Variants in TRMT9B observed in about 807,000 individuals in gnomAD.
The protein encoded by TRMT9B is tRNA methyltransferase 9B (putative), also known as probable tRNA methyltransferase 9B.
TRMT9B carries 16 observed loss-of-function variants against 11.5 expected under a neutral mutation model. The ratio of observed to expected loss-of-function variants is 1.39; its 90% confidence interval spans 0.94 to 2.11. The LOEUF is 2.11. TRMT9B is among the 30% of genes most tolerant of loss of function. The pLI is 0.00. For synonymous variants in TRMT9B, 274 were observed against 192.4 expected (o/e 1.42, Z -3.51); for missense variants, 941 against 553.8 (o/e 1.70, Z -7.02).
intron 2 of TRMT9B, among the ~76,000 whole-genome samples, chr8:12,999,020 G>A (rs1198465370): frequency 2.0e-5 from 3 of 152,052 alleles, no homozygotes; most frequent in African/African-American, 7.2e-5. Context: ...TTGTTCAGGG[G>A]CTGGGCGCAG....
chr8:13,003,647 C>T (rs191668191), intron 2 of TRMT9B, among the ~76,000 whole-genome samples: 13 of 151,378 alleles, frequency 8.6e-5, no homozygotes, highest in African/African-American at 1.7e-4. Context: ...CTTATGTGCC[C>T]GCCTAAGCCA....
At chr8:12,968,922 G>A (rs779912003) in intron 1 of TRMT9B, among the ~76,000 whole-genome samples, 22 of 152,132 alleles carry the variant, frequency 1.4e-4, no homozygotes, top group Non-Finnish European at 2.5e-4. Context: ...ATATAAAACC[G>A]AAAAGTGGGC....
rs372995780 is a variant in TRMT9B at position 13,006,162 on chromosome 8, G to A, written c.-1-40G>A. 28 of 1,605,058 alleles carry A rather than the reference G, an allele frequency of 1.7e-5. 1 individual carries two copies. Among genetic ancestry groups the A allele is most frequent in the East Asian group, 1.3e-4 (6 of 44,780 alleles). On this transcript the variant is annotated intron_variant, in intron 2 of 4. Transcript: ENST00000524591. ...CTCCTTCAGCCATCTATGGTGCATAGGCTGACCTGCATGCCTTGGGTTGGT... is the reference window on the plus strand; with the variant it reads ...CTCCTTCAGCCATCTATGGTGCATAAGCTGACCTGCATGCCTTGGGTTGGT...
At position 13,029,358 on chromosome 8, in the gene TRMT9B, A is replaced by C. The variant is rs1815098883; in HGVS notation, c.*7314A>C. On this transcript the variant is annotated 3_prime_UTR_variant, in exon 5 of 5. Transcript: ENST00000524591. ...GCTAGCAATAGTTTTAAAAGCACAA[A>C]GTGATGTAAAATATTTTGACTTTTA... 6.0e-6 allele frequency: 1 copy of C among 167,082 alleles called. No individual in the cohort carries two copies. The allele number at this position is 167,082 out of a possible 1,614,324, so 10.3% of individuals were successfully genotyped here. A position where few individuals can be genotyped will look rare whatever the true frequency, so the allele number is the denominator to read the frequency against.
At chr8:13,011,502 ATAT>A (rs1416783644) in intron 3 of TRMT9B, 1 of 968,624 alleles carries the variant, frequency 1.0e-6, no homozygotes, top group African/African-American at 1.8e-5. Context: ...ATAAGTACAA[ATAT>A]AGGCTCTAAT....
chr8:12,973,609 T>G (rs1007407986), intron 1 of TRMT9B, among the ~76,000 whole-genome samples: 2 of 152,302 alleles, frequency 1.3e-5, no homozygotes, highest in Admixed American at 1.3e-4. Flanking sequence ...GGATCTCATC[T>G]GGAGAGGTGA....
intron 1 of TRMT9B, among the ~76,000 whole-genome samples, chr8:12,974,032 A>C (rs947074611): frequency 6.6e-6 from 1 of 152,120 alleles, no homozygotes; most frequent in Non-Finnish European, 1.5e-5. Context: ...AAAGCTAGGC[A>C]TAGTGGCAAG....
rs1814604640 is a variant in TRMT9B at position 13,025,648 on chromosome 8, G to A, written c.*3604G>A. ...GATGGAATCAAAATAATGTTATAGT[G>A]AGAATCATTCAAGCACCTATTTAAA... On this transcript the variant is annotated 3_prime_UTR_variant, in exon 5 of 5. Coordinates refer to ENST00000524591, the MANE Select transcript of TRMT9B (RefSeq NM_020844.3). 1 of 167,070 alleles carries A rather than the reference G, an allele frequency of 6.0e-6. No homozygotes were observed. The highest frequency in any genetic ancestry group is 6.5e-5 in the Admixed American group (1 of 15,288). The allele number at this position is 167,070 out of a possible 1,614,324, so 10.3% of individuals were successfully genotyped here.
At chr8:13,007,676 G>A (rs1439929700) in intron 3 of TRMT9B, 1 of 152,124 alleles carries the variant, frequency 6.6e-6, no homozygotes, top group Non-Finnish European at 1.5e-5. Flanking sequence ...TGTGCAGTGA[G>A]TTTGGAGCTC....
intron 2 of TRMT9B, among the ~76,000 whole-genome samples, chr8:12,995,632 AC>A (rs1808202064): frequency 6.6e-6 from 1 of 151,860 alleles, no homozygotes; most frequent in Non-Finnish European, 1.5e-5. Context: ...TATAAAGAAA[AC>A]TTTACTGATA....
At chr8:12,982,615 T>A (rs915775590) in intron 1 of TRMT9B, among the ~76,000 whole-genome samples, 1 of 151,948 alleles carries the variant, frequency 6.6e-6, no homozygotes, top group South Asian at 2.1e-4. Flanking sequence ...TGAGCCGAGA[T>A]TGCGCCACTG....
At chr8:13,005,955 A>G (rs1810378289) in intron 2 of TRMT9B, among the ~76,000 whole-genome samples, 1 of 152,250 alleles carries the variant, frequency 6.6e-6, no homozygotes, top group Non-Finnish European at 1.5e-5. Flanking sequence ...CTTATTACAC[A>G]ATAATTAGCT....
intron 3 of TRMT9B, chr8:13,010,968 A>G (rs1201144652): frequency 1.8e-5 from 16 of 900,666 alleles, no homozygotes; most frequent in Non-Finnish European, 2.0e-5. Flanking sequence ...CGTAGAAATA[A>G]TAATCCTGGA....
rs148943649 is a variant in TRMT9B, at chr8:13,029,129, G to T, written c.*7085G>T. On this transcript the variant is annotated 3_prime_UTR_variant, in exon 5 of 5. Coordinates refer to ENST00000524591, the MANE Select transcript of TRMT9B (RefSeq NM_020844.3). ...GAAAAAGTAGTTCTTTTGTGCACGC[G>T]TGAATACATCAAATTAGCAATTACC... 6.0e-6 allele frequency: 1 copy of T among 166,886 alleles called. No individual in the cohort carries two copies. 10.3% of individuals were successfully genotyped at this position (166,886 alleles called of 1,614,324 possible).
At chr8:12,992,138 T>C (rs778957448) in intron 2 of TRMT9B, among the ~76,000 whole-genome samples, 7 of 152,208 alleles carry the variant, frequency 4.6e-5, no homozygotes, top group Non-Finnish European at 8.8e-5. Flanking sequence ...CCTTGATTCA[T>C]TGGATCTACA....
chr8:12,980,789 A>G (rs1168500338), intron 1 of TRMT9B, among the ~76,000 whole-genome samples: 2 of 152,178 alleles, frequency 1.3e-5, no homozygotes, highest in East Asian at 3.9e-4. Flanking sequence ...CCAGGCAGAG[A>G]GGGAACAGAC....
chr8:12,990,120 A>C (rs1451578260), intron 1 of TRMT9B, among the ~76,000 whole-genome samples: 1 of 152,202 alleles, frequency 6.6e-6, no homozygotes, highest in Non-Finnish European at 1.5e-5. Context: ...AGTTTGTGGC[A>C]GTGTGGTGAA....
In TRMT9B at chr8:13,021,082, G is replaced by T. The variant is rs970044715; in HGVS notation, c.403G>T (p.Gly135Cys). 1 of 1,606,816 alleles carries T rather than the reference G, an allele frequency of 6.2e-7. No homozygotes were observed. Among genetic ancestry groups the T allele is most frequent in the Non-Finnish European group, 8.5e-7 (1 of 1,176,102 alleles). Residue 135 changes from glycine to cysteine, a missense_variant, in exon 5 of 5, where the codon GGC (glycine) becomes TGC (cysteine). Physicochemically the swap from Gly to Cys is radical, Grantham distance 159. Transcript: ENST00000524591. Reference sequence around the variant, plus strand: ...AATGGCCAGGGTCTTAGTTCCCGGAGGCCAACTGATGATTTACGTTTGGGC... The same window carrying T: ...AATGGCCAGGGTCTTAGTTCCCGGATGCCAACTGATGATTTACGTTTGGGC... ...KEMARVLVPG[G>C]QLMIYVWAME...
intron 1 of TRMT9B, among the ~76,000 whole-genome samples, chr8:12,955,181 G>T (rs896376452): frequency 5.3e-5 from 8 of 152,162 alleles, no homozygotes; most frequent in African/African-American, 1.9e-4. Context: ...TACTCCTATA[G>T]CATAGAGTAT....
Sources: allele counts gnomAD v4.1 joint callset (sites outside exome capture counted in the v4.1 genomes callset), GRCh38; gene constraint gnomAD v4.1.1; transcripts MANE v1.5; gene names NCBI Gene and HGNC (gene_info 2026-07-23, HGNC 2026-07-21).